The following DYM variants were observed in gnomAD, a reference collection of about 807,000 sequenced individuals.
The protein encoded by DYM is dymeclin.
DYM carries 78 observed loss-of-function variants against 93.1 expected under a neutral mutation model. The observed-to-expected ratio is 0.84, with a 90% CI of 0.70 to 1.01. DYM has a LOEUF of 1.01. Among genes scored for constraint, DYM ranks in the 50% least tolerant of loss-of-function variants. The pLI, the probability that DYM is intolerant of heterozygous loss-of-function variation, is 0.00. For synonymous variants in DYM, 321 were observed against 319.7 expected (o/e 1.00, Z -0.04); for missense variants, 789 against 845.0 (o/e 0.93, Z 0.82).
intron 17 of DYM, among the ~76,000 whole-genome samples, chr18:49,050,512 C>T (rs1021600668): frequency 6.6e-6 from 1 of 152,022 alleles, no homozygotes; most frequent in Non-Finnish European, 1.5e-5. Context: ...AGGTGTTTAC[C>T]ATCTTCCTGT....
chr18:49,365,262 T>A (rs1265769415), intron 5 of DYM, among the ~76,000 whole-genome samples: 1 of 152,162 alleles, frequency 6.6e-6, no homozygotes, highest in African/African-American at 2.4e-5. Flanking sequence ...ACTGGCACAG[T>A]AACCCCGTGA....
At chr18:49,446,768 G>C (rs947304406) in intron 1 of DYM, among the ~76,000 whole-genome samples, 4 of 152,020 alleles carry the variant, frequency 2.6e-5, no homozygotes, top group African/African-American at 9.7e-5. Context: ...TACCATAAAA[G>C]TTAAGACCAG....
chr18:49,320,102 T>C (rs951837190), intron 8 of DYM, among the ~76,000 whole-genome samples: 2 of 152,236 alleles, frequency 1.3e-5, no homozygotes, highest in Non-Finnish European at 2.9e-5. Context: ...ATAGAGCTTA[T>C]TAGCGTGCAG....
At chr18:49,434,257 G>T (rs972252617) in intron 1 of DYM, among the ~76,000 whole-genome samples, 19 of 151,914 alleles carry the variant, frequency 1.3e-4, no homozygotes, top group African/African-American at 4.3e-4. Context: ...TGAGGCAGGG[G>T]AATCACTTGA....
At chr18:49,157,082 A>C (rs764746044) in intron 15 of DYM, among the ~76,000 whole-genome samples, 2 of 151,846 alleles carry the variant, frequency 1.3e-5, no homozygotes, top group Non-Finnish European at 2.9e-5. Flanking sequence ...TGGGAATTCC[A>C]AGGTCAGGAA....
At chr18:49,156,997 A>G (rs186101870) in intron 15 of DYM, among the ~76,000 whole-genome samples, 3 of 151,396 alleles carry the variant, frequency 2.0e-5, no homozygotes, top group Admixed American at 2.0e-4. Context: ...GCCTGCCAAC[A>G]TGGCCCCCAT....
intron 16 of DYM, among the ~76,000 whole-genome samples, chr18:49,102,462 A>G (rs2080266795): frequency 1.3e-5 from 2 of 152,074 alleles, no homozygotes; most frequent in African/African-American, 2.4e-5. Flanking sequence ...CACGTGCACA[A>G]TGTGCAGGTT....
intron 16 of DYM, among the ~76,000 whole-genome samples, chr18:49,106,095 T>C (rs1459499026): frequency 6.6e-6 from 1 of 152,234 alleles, no homozygotes; most frequent in Non-Finnish European, 1.5e-5. Flanking sequence ...GGTGCTCCTG[T>C]ATTGGGTGCA....
chr18:49,433,004 C>A (rs1157611739), intron 1 of DYM, among the ~76,000 whole-genome samples: 2 of 152,052 alleles, frequency 1.3e-5, no homozygotes, highest in African/African-American at 4.8e-5. Context: ...AAAAGACCTC[C>A]CAGGAACCTA....
intron 13 of DYM, among the ~76,000 whole-genome samples, chr18:49,215,904 A>C (rs2093013127): frequency 6.6e-6 from 1 of 152,228 alleles, no homozygotes; most frequent in African/African-American, 2.4e-5. Flanking sequence ...TGGGTGCAGG[A>C]CAGTGGGTGC....
At chr18:49,264,893 G>C (rs921341145) in intron 11 of DYM, among the ~76,000 whole-genome samples, 7 of 152,144 alleles carry the variant, frequency 4.6e-5, no homozygotes, top group African/African-American at 9.7e-5. Context: ...ATAATCTGGA[G>C]AACAGAATAA....
intron 16 of DYM, among the ~76,000 whole-genome samples, chr18:49,117,117 C>A (rs1197090542): frequency 6.6e-6 from 1 of 152,162 alleles, no homozygotes; most frequent in Non-Finnish European, 1.5e-5. Flanking sequence ...GGTGTTTCTG[C>A]TTTATCTTGA....
intron 12 of DYM, 99 bp downstream of exon 12, chr18:49,258,281 T>A (rs1023613444): frequency 1.8e-5 from 14 of 798,272 alleles, no homozygotes; most frequent in Admixed American, 9.8e-5. Context: ...CTACCATATG[T>A]CACGAGAATT....
At chr18:49,412,122 T>A (rs1426481806) in intron 2 of DYM, among the ~76,000 whole-genome samples, 2 of 151,990 alleles carry the variant, frequency 1.3e-5, no homozygotes, top group African/African-American at 2.4e-5. Context: ...GTATATGCTG[T>A]CATTCAACTG....
At chr18:49,232,706 T>C (rs1341008927) in intron 13 of DYM, among the ~76,000 whole-genome samples, 2 of 150,316 alleles carry the variant, frequency 1.3e-5, no homozygotes, top group African/African-American at 4.9e-5. Flanking sequence ...CGTCCCGGGT[T>C]CAAGCGATTC....
intron 1 of DYM, among the ~76,000 whole-genome samples, chr18:49,440,355 T>C (rs11876685): frequency 9.1e-6 from 1 of 110,232 alleles, no homozygotes; most frequent in Non-Finnish European, 1.9e-5. Flanking sequence ...TATAATATAG[T>C]ATATGATATA....
chr18:49,439,530 C>T (rs890387168), intron 1 of DYM, among the ~76,000 whole-genome samples: 1 of 152,108 alleles, frequency 6.6e-6, no homozygotes, highest in Non-Finnish European at 1.5e-5. Context: ...CTTCCTTATC[C>T]CTAATCAATC....
chr18:49,223,672 A>G (rs913434427), intron 13 of DYM, among the ~76,000 whole-genome samples: 19 of 152,132 alleles, frequency 1.2e-4, no homozygotes, highest in African/African-American at 4.6e-4. Flanking sequence ...AACTTGAAAT[A>G]GATGAGATTT....
intron 2 of DYM, among the ~76,000 whole-genome samples, chr18:49,401,934 G>A (rs1181383055): frequency 6.6e-6 from 1 of 151,626 alleles, no homozygotes; most frequent in East Asian, 1.9e-4. Flanking sequence ...ACTGAGGCAG[G>A]AGAATCACTT....
Sources: gnomAD v4.1 joint callset for allele counts (sites outside exome capture counted in the v4.1 genomes callset) on GRCh38, gnomAD v4.1.1 for gene constraint, MANE v1.5 for transcripts, NCBI Gene and HGNC (gene_info 2026-07-23, HGNC 2026-07-21) for gene names.